Variants in OBSL1 observed in about 807,000 individuals in gnomAD.
OBSL1 encodes the protein obscurin-like protein 1.
A neutral mutation model predicts 172.0 loss-of-function variants in OBSL1; 160 were observed. That is an observed-to-expected ratio of 0.93 (90% CI 0.82 to 1.06). The LOEUF (loss-of-function observed/expected upper bound fraction) is 1.06, where lower values mean the gene tolerates loss of function less well. OBSL1 is among the 50% of genes least tolerant of loss of function. The pLI, the probability that OBSL1 is intolerant of heterozygous loss-of-function variation, is 0.00. For synonymous variants in OBSL1, 1,200 were observed against 1,196.3 expected, an observed-to-expected ratio of 1.00 and a Z score of -0.06; for missense variants, 2,681 against 2,715.4, an observed-to-expected ratio of 0.99 and a Z score of 0.28.
chr2:219,559,001 T>TTGAACGAATGGATGAA (rs1196635991), intron 9 of OBSL1: 2 of 553,246 alleles, frequency 3.6e-6, no homozygotes, highest in African/African-American at 3.7e-5. Flanking sequence ...TCAATGAGTA[T>TTGAACGAATGGATGAA]TGAACGAATG....
rs1436521736 is a variant in OBSL1 at position 219,557,383 on chromosome 2, A to G, written c.4026T>C (p.Asp1342=). The change falls in exon 12 of 21, where the codon GAT becomes GAC. Residue 1342 remains aspartate (D), a synonymous_variant. Coordinates refer to ENST00000404537, the MANE Select transcript of OBSL1 (RefSeq NM_015311.3). The part of the protein sequence containing the change: ...RSGDAGEYLC[D]APQDSRIFLV... ...GGAAGATGCGGCTGTCCTGGGGCGC[A>G]TCGCACAGGTACTCCCCAGCGTCCC... 2 of 1,535,474 alleles carry G rather than the reference A, an allele frequency of 1.3e-6. No homozygotes were observed. Among genetic ancestry groups the G allele is most frequent in the Admixed American group, 2.0e-5 (1 of 50,544 alleles).
chr2:219,552,303 C>A, intron 18 of OBSL1, 87 bp from the exon 19 acceptor site: 2 of 1,256,144 alleles, frequency 1.6e-6, no homozygotes, highest in South Asian at 1.3e-5. Flanking sequence ...GCCCCTGGGT[C>A]GGTTCGGACG....
intron 5 of OBSL1, 125 bp from the exon 6 acceptor site, chr2:219,565,639 C>T: frequency 1.2e-6 from 1 of 861,160 alleles, no homozygotes; most frequent in Non-Finnish European, 1.8e-6. Context: ...TCCACACCAA[C>T]CCTTAAGAGC....
chr2:219,549,468 T>C (rs1050302133), downstream of OBSL1: 22 of 1,362,070 alleles, frequency 1.6e-5, no homozygotes, highest in Admixed American at 5.2e-4. Context: ...TGTTTGTCCA[T>C]GAACTGTTTG....
intron 14 of OBSL1, chr2:219,555,712 T>A (rs1363566548): frequency 8.3e-7 from 1 of 1,206,686 alleles, no homozygotes; most frequent in African/African-American, 1.5e-5. Context: ...CTTAAGTGGG[T>A]ATGTGTATCC....
downstream of OBSL1, chr2:219,549,599 G>C: frequency 6.7e-7 from 1 of 1,484,726 alleles, no homozygotes; most frequent in South Asian, 1.3e-5. Context: ...TCTCAGGGCT[G>C]TGGACTCTGG....
Position 219,552,975 on chromosome 2 carries a change from C to T in OBSL1, c.5039G>A (p.Gly1680Asp). The T allele has an allele frequency of 2.6e-6, 4 of 1,531,098 alleles. No homozygotes were observed. Among genetic ancestry groups the T allele is most frequent in the Non-Finnish European group, 3.5e-6 (4 of 1,143,146 alleles). The allele number at this position is 1,531,098 out of a possible 1,614,324, so 94.8% of individuals were successfully genotyped here. A position where few individuals can be genotyped will look rare whatever the true frequency, so the allele number is the denominator to read the frequency against. ...PSPRLRLQAL[G>D]TRRLLQLRRC... ...TCGCAGCTGGAGAAGGCGGCGCGTG[C>T]CGAGGGCCTGGAGCCGGAGCCGCGG... is the stretch of plus-strand genomic sequence containing the variant. Residue 1680 changes from glycine (G) to aspartate (D), a missense_variant, in exon 17 of 21, where the codon GGC (glycine) becomes GAC (aspartate). By Grantham distance (94) the Gly-to-Asp change is moderately conservative. Transcript: ENST00000404537.
Position 219,556,257 on chromosome 2 carries a change from C to T in OBSL1, c.4372G>A (p.Val1458Met). Residue 1458 changes from valine (V) to methionine (M), a missense_variant, in exon 14 of 21, where the codon GTG becomes ATG. This residue lies in a region of OBSL1 where 1,765 missense variants were observed against 1,748.3 expected (regional missense o/e 1.01). Transcript: ENST00000404537. ...ELLFLRRLQD[V>M]RAEEGQDVCL... is the part of the protein sequence containing the mutation. ...ACATCCTGGCCTTCCTCTGCCCGCA[C>T]ATCCTGCAACCGCCGTAGGAACAGC... The T allele has an allele frequency of 2.5e-6, 4 of 1,594,670 alleles. No individual in the cohort carries two copies. The highest frequency in any genetic ancestry group is 3.4e-6 in the Non-Finnish European group (4 of 1,166,696).
chr2:219,552,618 C>T lies in OBSL1; in HGVS notation c.5226G>A (p.Val1742=), dbSNP rs974837836. ...EGDGATFECT[V]SEVETTGRWE... Reference sequence around the variant, plus strand: ...AGCGCCCCGTGGTCTCGACCTCCGACACGGTGCACTCGAACGTAGCGCCGT... The same window carrying T: ...AGCGCCCCGTGGTCTCGACCTCCGATACGGTGCACTCGAACGTAGCGCCGT... The change falls in exon 18 of 21, where the codon GTG becomes GTA. Residue 1742 remains valine, a synonymous_variant. Transcript: ENST00000404537. 2 of 1,572,514 alleles carry T rather than the reference C, an allele frequency of 1.3e-6. No homozygotes were observed. The highest frequency in any genetic ancestry group is 1.8e-5 in the Admixed American group (1 of 56,258).
At chr2:219,547,490 C>T (rs754101436), downstream of OBSL1, 1 of 1,416,714 alleles carries the variant, frequency 7.1e-7, no homozygotes, top group Non-Finnish European at 9.3e-7. Flanking sequence ...CCTCACTAGC[C>T]CCTGTTCCCC....
chr2:219,560,400 C>T lies in OBSL1; in HGVS notation c.2954-903G>A, dbSNP rs10188851. 8.9e-3 allele frequency among the ~76,000 whole-genome samples: 1,350 copies of T among 152,294 alleles called. 19 individuals are homozygous for T. Among genetic ancestry groups the T allele is most frequent in the African/African-American group, 0.03 (1,262 of 41,532 alleles). On this transcript the variant is annotated intron_variant, in intron 8 of 20. Transcript: ENST00000404537. ...GTGCTAAATGCTGATTCTGGGAGCT[C>T]ATCTCCAAGTTCTGGTCACTCCTCT...
At chr2:219,566,475 G>A (rs1056571876) in intron 5 of OBSL1, among the ~76,000 whole-genome samples, 2 of 152,198 alleles carry the variant, frequency 1.3e-5, no homozygotes, top group Non-Finnish European at 2.9e-5. Flanking sequence ...AGAAAGTTGC[G>A]ATGACAATGT....
intron 5 of OBSL1, among the ~76,000 whole-genome samples, chr2:219,566,274 G>T (rs1696880449): frequency 6.6e-6 from 1 of 152,198 alleles, no homozygotes; most frequent in Admixed American, 6.5e-5. Context: ...AGCTACTCGG[G>T]AGGCTGAGGC....
chr2:219,554,301 G>T, intron 15 of OBSL1, 173 bp downstream of exon 15: 2 of 780,074 alleles, frequency 2.6e-6, no homozygotes, highest in Non-Finnish European at 4.1e-6. Context: ...GGACTCTGGG[G>T]CCACACAGGG....
chr2:219,552,181 C>T lies in OBSL1; in HGVS notation c.5344G>A (p.Ala1782Thr). The change falls in exon 19 of 21, where the codon GCC becomes ACC. Residue 1782 changes from alanine (A) to threonine (T), a missense_variant. By Grantham distance (58) the Ala-to-Thr change is moderately conservative. Around this residue, in one of 5 missense-constraint regions of OBSL1, gnomAD observed 1,765 missense variants for 1,748.3 expected, o/e 1.01. Coordinates refer to ENST00000404537, the MANE Select transcript of OBSL1 (RefSeq NM_015311.3). The part of the protein sequence containing the change: ...KHILVLSELR[A>T]EDAGEVRFQA... ...AAGCGGACTTCACCGGCGTCCTCGG[C>T]GCGCAGCTCGCTAAGCACCAGAATG... 4 of 1,610,354 alleles carry T rather than the reference C, an allele frequency of 2.5e-6. No individual in the cohort carries two copies. Among genetic ancestry groups the T allele is most frequent in the Non-Finnish European group, 2.5e-6 (3 of 1,178,760 alleles).
intron 17 of OBSL1, 59 bp downstream of exon 17, chr2:219,552,809 C>CAGCT: frequency 6.5e-7 from 1 of 1,533,204 alleles, no homozygotes. Context: ...CCGGGGAAGA[C>CAGCT]AGCTCCGCAA....
At position 219,565,381 on chromosome 2, in the gene OBSL1, C is replaced by T. The variant is rs754532654; in HGVS notation, c.2268G>A (p.Val756=). ...TCACCACCAGCAACTCGCTCTCCTC[C>T]ACCTTCTGCCCATCCTTGTACCAGG... ...PATWYKDGQK[V]EESELLVVKM... is the part of the protein sequence containing the mutation. Residue 756 remains valine, a synonymous_variant, in exon 6 of 21, where the codon GTG becomes GTA. Coordinates refer to ENST00000404537, the MANE Select transcript of OBSL1 (RefSeq NM_015311.3). 14 of 1,614,066 alleles carry T rather than the reference C, an allele frequency of 8.7e-6. No individual in the cohort carries two copies. Among genetic ancestry groups the T allele is most frequent in the Non-Finnish European group, 1.2e-5 (14 of 1,179,904 alleles).
At chr2:219,548,006 C>G (rs1362983510), downstream of OBSL1, 2 of 1,589,794 alleles carry the variant, frequency 1.3e-6, no homozygotes, top group Admixed American at 3.4e-5. Context: ...CCTGCTGGCA[C>G]TCTGGCCCCT....
At chr2:219,551,865 C>A (rs1411310749) in intron 19 of OBSL1, 67 bp from the exon 20 acceptor site, 3 of 1,054,122 alleles carry the variant, frequency 2.8e-6, no homozygotes, top group Non-Finnish European at 4.2e-6. Flanking sequence ...AGAGATGCAT[C>A]TTCCCTCCCT....
Sources: allele counts gnomAD v4.1 joint callset (sites outside exome capture counted in the v4.1 genomes callset), GRCh38; gene constraint gnomAD v4.1.1; regional missense constraint gnomAD v4.1.1; transcripts MANE v1.5; gene names NCBI Gene and HGNC (gene_info 2026-07-23, HGNC 2026-07-21).